The following DOK6 variants were observed in gnomAD, a reference collection of about 807,000 sequenced individuals.
DOK6 encodes downstream of tyrosine kinase 6.
Under a neutral mutation model 44.0 loss-of-function variants are expected in DOK6, and 22 were observed. The ratio of observed to expected loss-of-function variants is 0.50; its 90% CI spans 0.36 to 0.71. The LOEUF (loss-of-function observed/expected upper bound fraction) is 0.71. Among genes scored for constraint, DOK6 ranks in the 30% least tolerant of loss-of-function variants. The probability of loss-of-function intolerance (pLI) is 0.00; values close to 1 mark genes in which losing one functional copy is unlikely to be tolerated. For synonymous variants in DOK6, 166 were observed against 145.5 expected (o/e 1.14, Z -1.01); for missense variants, 340 against 416.4 (o/e 0.82, Z 1.60).
chr18:69,836,578 T>C (rs1301146390), intron 7 of DOK6, among the ~76,000 whole-genome samples: 1 of 152,146 alleles, frequency 6.6e-6, no homozygotes, highest in Non-Finnish European at 1.5e-5. Flanking sequence ...GCACAATAGA[T>C]TAGAAAAGGT....
At chr18:69,578,015 A>G (rs1983278853) in intron 2 of DOK6, among the ~76,000 whole-genome samples, 1 of 152,136 alleles carries the variant, frequency 6.6e-6, no homozygotes, top group Non-Finnish European at 1.5e-5. Flanking sequence ...TGGCACATAC[A>G]TACCTATGTA....
At chr18:69,690,241 TCA>T (rs948282556) in intron 4 of DOK6, among the ~76,000 whole-genome samples, 2 of 152,112 alleles carry the variant, frequency 1.3e-5, no homozygotes, top group Non-Finnish European at 2.9e-5. Context: ...GCATTCCAAT[TCA>T]CAGTGATCTT....
chr18:69,716,061 T>C (rs1447251329), intron 5 of DOK6, among the ~76,000 whole-genome samples: 1 of 152,236 alleles, frequency 6.6e-6, no homozygotes, highest in Non-Finnish European at 1.5e-5. Flanking sequence ...TTTAGCAACA[T>C]CATTTTAGCA....
chr18:69,710,949 G>A (rs1222930913), intron 5 of DOK6, among the ~76,000 whole-genome samples: 2 of 152,222 alleles, frequency 1.3e-5, no homozygotes, highest in Non-Finnish European at 2.9e-5. Flanking sequence ...GGTGATGGGA[G>A]CATAAGGCTC....
chr18:69,693,879 A>G (rs1986325996), intron 4 of DOK6, among the ~76,000 whole-genome samples: 2 of 151,266 alleles, frequency 1.3e-5, no homozygotes, highest in Non-Finnish European at 1.5e-5. Flanking sequence ...TAACACAGTG[A>G]AACCCCGCCT....
chr18:69,700,206 C>CATATATATATAT (rs1317738197), intron 5 of DOK6, among the ~76,000 whole-genome samples: 1 of 72,138 alleles, frequency 1.4e-5, no homozygotes, highest in East Asian at 1.1e-3. Context: ...GTTAGTTTTA[C>CATATATATATAT]ATATATATAC....
intron 7 of DOK6, among the ~76,000 whole-genome samples, chr18:69,772,672 C>T (rs1034694208): frequency 1.3e-5 from 2 of 151,916 alleles, no homozygotes; most frequent in African/African-American, 4.8e-5. Context: ...GAAATTGGAC[C>T]CCTATCTTAC....
chr18:69,672,148 T>A (rs543212456), intron 3 of DOK6, among the ~76,000 whole-genome samples: 95 of 152,244 alleles, frequency 6.2e-4, no homozygotes, highest in Middle Eastern at 3.4e-3. Flanking sequence ...TCAGTGAACT[T>A]TGTGGAAGGG....
At chr18:69,660,366 C>T (rs1985490585) in intron 3 of DOK6, 1 of 152,102 alleles carries the variant, frequency 6.6e-6, no homozygotes, top group Admixed American at 6.6e-5. Context: ...TGAAAAATTT[C>T]CAATAACATA....
intron 1 of DOK6, among the ~76,000 whole-genome samples, chr18:69,538,943 A>C (rs1982194636): frequency 6.6e-6 from 1 of 152,134 alleles, no homozygotes; most frequent in South Asian, 2.1e-4. Flanking sequence ...TTCATCTGTA[A>C]CGTGGAAATA....
chr18:69,586,008 C>T (rs1204751241), intron 2 of DOK6, among the ~76,000 whole-genome samples: 1 of 152,152 alleles, frequency 6.6e-6, no homozygotes, highest in Non-Finnish European at 1.5e-5. Context: ...AACTTGATCT[C>T]TCTATATTTT....
intron 3 of DOK6, among the ~76,000 whole-genome samples, chr18:69,619,164 G>A (rs947613881): frequency 2.0e-5 from 3 of 152,170 alleles, no homozygotes; most frequent in African/African-American, 7.2e-5. Flanking sequence ...CTGGGAGCCT[G>A]GGCTCACCCC....
chr18:69,775,121 G>GA (rs1980021941), intron 7 of DOK6, among the ~76,000 whole-genome samples: 2 of 151,778 alleles, frequency 1.3e-5, no homozygotes, highest in African/African-American at 4.8e-5. Flanking sequence ...ATAAAAGCCA[G>GA]AAAATAATGA....
At chr18:69,828,385 C>G (rs1301080433) in intron 7 of DOK6, among the ~76,000 whole-genome samples, 1 of 151,762 alleles carries the variant, frequency 6.6e-6, no homozygotes, top group African/African-American at 2.4e-5. Flanking sequence ...AATGAATTAT[C>G]TATTTGCTAA....
chr18:69,517,472 G>A (rs1478011580), intron 1 of DOK6, among the ~76,000 whole-genome samples: 1 of 152,008 alleles, frequency 6.6e-6, no homozygotes, highest in Middle Eastern at 3.2e-3. Flanking sequence ...TATTTGAATG[G>A]CTGATTGAAC....
At chr18:69,441,481 C>G (rs548860401) in intron 1 of DOK6, among the ~76,000 whole-genome samples, 1 of 152,122 alleles carries the variant, frequency 6.6e-6, no homozygotes, top group South Asian at 2.1e-4. Flanking sequence ...TGTTACTCAA[C>G]TTAATATGAA....
chr18:69,425,353 A>C (rs2364202), intron 1 of DOK6, among the ~76,000 whole-genome samples: 94,058 of 151,752 alleles, frequency 0.62, 29,375 homozygotes, highest in South Asian at 0.74. Flanking sequence ...ACCTTGTTTA[A>C]AAGCTTTTTC....
At chr18:69,633,149 C>G (rs1048773019) in intron 3 of DOK6, among the ~76,000 whole-genome samples, 1 of 152,192 alleles carries the variant, frequency 6.6e-6, no homozygotes, top group Non-Finnish European at 1.5e-5. Flanking sequence ...TCCCAGAGTA[C>G]ATGTAATGTC....
At chr18:69,570,112 G>A (rs1433102871) in intron 2 of DOK6, among the ~76,000 whole-genome samples, 1 of 152,032 alleles carries the variant, frequency 6.6e-6, no homozygotes, top group South Asian at 2.1e-4. Flanking sequence ...GTACCTGAGT[G>A]ATGAAATAAT....
Sources: gnomAD v4.1 joint callset for allele counts (sites outside exome capture counted in the v4.1 genomes callset) on GRCh38, gnomAD v4.1.1 for gene constraint, MANE v1.5 for transcripts, NCBI Gene and HGNC (gene_info 2026-07-23, HGNC 2026-07-21) for gene names.